RALGAPA2: variants seen among roughly 807,000 people sequenced by gnomAD.
RALGAPA2 encodes Ral GTPase activating protein catalytic subunit alpha 2, also known as ral GTPase-activating protein subunit alpha-2.
A neutral mutation model predicts 230.4 loss-of-function variants in RALGAPA2; 139 were observed. That is an observed-to-expected ratio of 0.60 (90% confidence interval 0.53 to 0.69). The LOEUF (loss-of-function observed/expected upper bound fraction) is 0.69, where lower values mean the gene tolerates loss of function less well. RALGAPA2 is among the 30% of genes least tolerant of loss of function. RALGAPA2 has a pLI of 0.00. For synonymous variants in RALGAPA2, 847 were observed against 837.8 expected (o/e 1.01, Z -0.19); for missense variants, 2,163 against 2,276.0 (o/e 0.95, Z 1.01).
chr20:20,631,179 C>T (rs984924635), intron 9 of RALGAPA2, among the ~76,000 whole-genome samples: 2 of 152,214 alleles, frequency 1.3e-5, no homozygotes, highest in African/African-American at 2.4e-5. Flanking sequence ...AGTTCAACTA[C>T]CTTATTAACC....
intron 35 of RALGAPA2, 127 bp downstream of exon 35, chr20:20,503,224 A>C (rs2062428586): frequency 1.1e-6 from 1 of 938,538 alleles, no homozygotes. Flanking sequence ...CCCAAACCTT[A>C]ATCTCAGGGT....
chr20:20,691,665 G>A (rs1029195143), intron 1 of RALGAPA2, among the ~76,000 whole-genome samples: 2 of 152,132 alleles, frequency 1.3e-5, no homozygotes, highest in African/African-American at 4.8e-5. Context: ...TCTCTCCAGG[G>A]CCAATAGCAG....
intron 27 of RALGAPA2, among the ~76,000 whole-genome samples, chr20:20,527,042 A>C (rs991033078): frequency 2.6e-5 from 4 of 152,186 alleles, no homozygotes; most frequent in African/African-American, 7.2e-5. Context: ...TCAAGGTCTT[A>C]CTTTTTCATG....
At chr20:20,498,825 A>G (rs141504755) in intron 35 of RALGAPA2, among the ~76,000 whole-genome samples, 1 of 152,350 alleles carries the variant, frequency 6.6e-6, no homozygotes, top group East Asian at 1.9e-4. Flanking sequence ...CTTGTAAGAC[A>G]TAAGTGCAAT....
chr20:20,483,567 G>A (rs900990389), intron 36 of RALGAPA2, among the ~76,000 whole-genome samples: 9 of 152,200 alleles, frequency 5.9e-5, no homozygotes, highest in Non-Finnish European at 1.2e-4. Context: ...CAATCTGTAC[G>A]ACACCTGTGG....
chr20:20,389,927 A>G lies in RALGAPA2; in HGVS notation c.*3362T>C, dbSNP rs1228003088. 2.6e-5 allele frequency: 4 copies of G among 152,230 alleles called. No homozygotes were observed. Among genetic ancestry groups the G allele is most frequent in the African/African-American group, 9.7e-5 (4 of 41,444 alleles). 9.4% of individuals were successfully genotyped at this position (152,230 alleles called of 1,614,324 possible). On this transcript the variant is annotated 3_prime_UTR_variant, in exon 40 of 40. Transcript: ENST00000202677. ...AATTTTTTCCTTATTTACATGTACTAAACATTGTAGACCTGAAAACATAAG... is the reference window on the plus strand; with the variant it reads ...AATTTTTTCCTTATTTACATGTACTGAACATTGTAGACCTGAAAACATAAG...
chr20:20,558,015 T>TG (rs1337673519), intron 23 of RALGAPA2, among the ~76,000 whole-genome samples: 1 of 152,206 alleles, frequency 6.6e-6, no homozygotes, highest in Non-Finnish European at 1.5e-5. Context: ...TTTTTTTATT[T>TG]TTTTTTGAGA....
rs182633454 is a variant in RALGAPA2, at chr20:20,636,814, A to G, written c.805+549T>C. Reference sequence around the variant, plus strand: ...CTCATTGCTTACAGAAGAAAAAAACATTAGGAGCCAAATTGGAAATTCCTT... The same window carrying G: ...CTCATTGCTTACAGAAGAAAAAAACGTTAGGAGCCAAATTGGAAATTCCTT... On this transcript the variant is annotated intron_variant, in intron 8 of 39. Transcript: ENST00000202677. Among the ~76,000 whole-genome samples, 38 of 152,312 alleles carry G rather than the reference A, an allele frequency of 2.5e-4. 1 individual carries two copies. Among genetic ancestry groups the G allele is most frequent in the Admixed American group, 2.5e-3 (38 of 15,302 alleles).
chr20:20,700,709 TG>T (rs1362753211), intron 1 of RALGAPA2, among the ~76,000 whole-genome samples: 1 of 152,226 alleles, frequency 6.6e-6, no homozygotes, highest in African/African-American at 2.4e-5. Context: ...CTTCTCCCTT[TG>T]GTTCACAGAA....
chr20:20,608,265 G>T (rs902265640), intron 14 of RALGAPA2, among the ~76,000 whole-genome samples: 10 of 152,100 alleles, frequency 6.6e-5, no homozygotes, highest in Middle Eastern at 3.4e-3. Context: ...CACACTAAGG[G>T]GACTGCGTAA....
intron 36 of RALGAPA2, among the ~76,000 whole-genome samples, chr20:20,488,338 T>C (rs1487946172): frequency 6.6e-6 from 1 of 152,224 alleles, no homozygotes; most frequent in Non-Finnish European, 1.5e-5. Flanking sequence ...TGGAGGATTG[T>C]CAGCCAGCCC....
chr20:20,461,033 T>C (rs1028156734), intron 37 of RALGAPA2, among the ~76,000 whole-genome samples: 6 of 152,192 alleles, frequency 3.9e-5, no homozygotes, highest in African/African-American at 1.4e-4. Context: ...GTGAAGTGCT[T>C]TCCTTAGTCA....
At chr20:20,595,525 A>G (rs1351265718) in intron 16 of RALGAPA2, among the ~76,000 whole-genome samples, 1 of 152,196 alleles carries the variant, frequency 6.6e-6, no homozygotes, top group Non-Finnish European at 1.5e-5. Context: ...ATACCATTCC[A>G]ATATGCTTTT....
chr20:20,508,012 G>C (rs1296665322), intron 33 of RALGAPA2, among the ~76,000 whole-genome samples: 1 of 152,148 alleles, frequency 6.6e-6, no homozygotes, highest in African/African-American at 2.4e-5. Context: ...CAATGTTTCA[G>C]TTTATTCTCC....
At chr20:20,690,215 A>T (rs543559978) in intron 1 of RALGAPA2, among the ~76,000 whole-genome samples, 110 of 152,258 alleles carry the variant, frequency 7.2e-4, no homozygotes, top group African/African-American at 2.6e-3. Flanking sequence ...TCCTGAAGTC[A>T]TCCAGAACTT....
intron 1 of RALGAPA2, among the ~76,000 whole-genome samples, chr20:20,700,110 G>A (rs1256534562): frequency 6.6e-6 from 1 of 152,070 alleles, no homozygotes; most frequent in Admixed American, 6.6e-5. Flanking sequence ...TATACACCAT[G>A]GAATACTACA....
At chr20:20,646,060 T>A (rs1175570364) in intron 4 of RALGAPA2, among the ~76,000 whole-genome samples, 1 of 151,772 alleles carries the variant, frequency 6.6e-6, no homozygotes, top group African/African-American at 2.4e-5. Flanking sequence ...TAGGGCTTTT[T>A]TTTTTTCTTT....
intron 23 of RALGAPA2, among the ~76,000 whole-genome samples, chr20:20,547,490 C>T (rs1046206811): frequency 1.3e-5 from 2 of 152,166 alleles, no homozygotes; most frequent in Non-Finnish European, 2.9e-5. Context: ...TGTGTAATGG[C>T]CTCTCATTGA....
rs1348626036 is a variant in RALGAPA2 at position 20,437,621 on chromosome 20, C to T, written c.5496-25473G>A. Among the ~76,000 whole-genome samples, 1 of 152,214 alleles carries T rather than the reference C, an allele frequency of 6.6e-6. No homozygotes were observed. Among genetic ancestry groups the T allele is most frequent in the Non-Finnish European group, 1.5e-5 (1 of 68,038 alleles). Reference sequence around the variant, plus strand: ...CGATGTGTGTGTGCTGTGCCCTCTGCCTGGGATGCTCTTCCAAGACCCCTG... The same window carrying T: ...CGATGTGTGTGTGCTGTGCCCTCTGTCTGGGATGCTCTTCCAAGACCCCTG... On this transcript the variant is annotated intron_variant, in intron 37 of 39. Transcript: ENST00000202677. The surrounding 1 kb of genome is among the most constrained non-coding windows in gnomAD (Gnocchi z 4.1).
Sources: allele counts gnomAD v4.1 joint callset (sites outside exome capture counted in the v4.1 genomes callset), GRCh38; gene constraint gnomAD v4.1.1; non-coding constraint Gnocchi (gnomAD v3.1); transcripts MANE v1.5; gene names NCBI Gene and HGNC (gene_info 2026-07-23, HGNC 2026-07-21).